Variants in KIRREL3 observed in about 807,000 individuals in gnomAD.
KIRREL3 encodes the protein kin of IRRE-like protein 3.
A neutral mutation model predicts 89.7 loss-of-function variants in KIRREL3; 36 were observed. The ratio of observed to expected loss-of-function variants is 0.40; its 90% CI spans 0.31 to 0.53. The LOEUF (loss-of-function observed/expected upper bound fraction) is 0.53. Among genes scored for constraint, KIRREL3 ranks in the 20% least tolerant of loss-of-function variants. The pLI, the probability that KIRREL3 is intolerant of heterozygous loss-of-function variation, is 0.49. For missense variants in KIRREL3, 864 were observed against 1,056.6 expected (o/e 0.82, Z 2.53); for synonymous variants, 445 against 441.4 (o/e 1.01, Z -0.10).
rs369839115 is a variant in KIRREL3, at chr11:126,830,468, C to T, written c.55+169987G>A. Among the ~76,000 whole-genome samples the T allele has an allele frequency of 5.9e-5, 9 of 152,186 alleles. No individual in the cohort carries two copies. Among genetic ancestry groups the T allele is most frequent in the African/African-American group, 2.2e-4 (9 of 41,448 alleles). On this transcript the variant is annotated intron_variant, in intron 1 of 16. Transcript: ENST00000525144. The surrounding 1 kb of genome is among the most constrained non-coding windows in gnomAD (Gnocchi z 4.9). The stretch of plus-strand genomic sequence containing the variant: ...TGCACGCTACAATAAATAGCATTAA[C>T]ATTTCTAAGTGACAGGCCTCTGAAT...
intron 7 of KIRREL3, among the ~76,000 whole-genome samples, chr11:126,449,746 C>T (rs1173400284): frequency 6.6e-6 from 1 of 152,212 alleles, no homozygotes; most frequent in African/African-American, 2.4e-5. Context: ...GTGGCGTGAG[C>T]GAGTAGCCCT....
In KIRREL3 at chr11:126,477,140, G is replaced by A. The variant is rs1027872567; in HGVS notation, c.434-3674C>T. ...AAGAGGCCACAGCGCGGCCTTAGCC[G>A]GGGGTGGCTGAGCGACACTCCTGCA... On this transcript the variant is annotated intron_variant, in intron 4 of 16. Transcript: ENST00000525144. The surrounding 1 kb of genome is among the most constrained non-coding windows in gnomAD (Gnocchi z 4.8). Among the ~76,000 whole-genome samples the A allele has an allele frequency of 3.3e-5, 5 of 152,238 alleles. No individual in the cohort carries two copies. The highest frequency in any genetic ancestry group is 7.2e-5 in the African/African-American group (3 of 41,470).
chr11:126,910,178 T>C (rs1207482367), intron 1 of KIRREL3, among the ~76,000 whole-genome samples: 1 of 152,090 alleles, frequency 6.6e-6, no homozygotes, highest in Non-Finnish European at 1.5e-5. Context: ...GGTCCAGGGC[T>C]TTGAAAAGAC....
rs1416541242 is a variant in KIRREL3 at position 126,642,171 on chromosome 11, T to C, written c.56-79259A>G. Among the ~76,000 whole-genome samples the C allele has an allele frequency of 6.6e-6, 1 of 152,204 alleles. No homozygotes were observed. The highest frequency in any genetic ancestry group is 1.5e-5 in the Non-Finnish European group (1 of 68,036). ...GACCTCCAACAATCTTGTTAGTGCA[T>C]CAAGTAATAGATTTTTGACAGATGC... On this transcript the variant is annotated intron_variant, in intron 1 of 16. Coordinates refer to ENST00000525144, the MANE Select transcript of KIRREL3 (RefSeq NM_032531.4). The surrounding 1 kb of genome is among the most constrained non-coding windows in gnomAD (Gnocchi z 4.9).
Position 126,541,190 on chromosome 11 carries a change from GGGTACTGTAT to G in KIRREL3, c.134-14513_134-14504del, listed in dbSNP as rs2134492556. Among the ~76,000 whole-genome samples the G allele has an allele frequency of 6.6e-6, 1 of 152,310 alleles. No homozygotes were observed. Among genetic ancestry groups the G allele is most frequent in the African/African-American group, 2.4e-5 (1 of 41,584 alleles). Reference sequence around the variant, plus strand: ...AGCACCTCTTGCTCCCATGTCTAAGGGGTACTGTATGGACACATGAAGCTTTGTCCTTGTC... The same window carrying G: ...AGCACCTCTTGCTCCCATGTCTAAGGGGACACATGAAGCTTTGTCCTTGTC... On this transcript the variant is annotated intron_variant, in intron 2 of 16. Transcript: ENST00000525144. This position sits in a 1 kb window ranked among gnomAD's most constrained non-coding sequence, Gnocchi z 4.8.
chr11:126,455,507 G>A lies in KIRREL3; in HGVS notation c.848+842C>T, dbSNP rs1299184402. Among the ~76,000 whole-genome samples the A allele has an allele frequency of 1.3e-5, 2 of 152,174 alleles. No individual in the cohort carries two copies. The highest frequency in any genetic ancestry group is 1.5e-5 in the Non-Finnish European group (1 of 68,036). ...AGTAAAACAAAAACAGTGATGCTTTGGCCGGGTGCGGTGGCTCATGCCTGT... is the reference window on the plus strand; with the variant it reads ...AGTAAAACAAAAACAGTGATGCTTTAGCCGGGTGCGGTGGCTCATGCCTGT... On this transcript the variant is annotated intron_variant, in intron 7 of 16. Coordinates refer to ENST00000525144, the MANE Select transcript of KIRREL3 (RefSeq NM_032531.4). The surrounding 1 kb of genome is among the most constrained non-coding windows in gnomAD (Gnocchi z 6.4).
intron 5 of KIRREL3, among the ~76,000 whole-genome samples, chr11:126,467,755 C>G (rs1185394620): frequency 6.6e-6 from 1 of 152,060 alleles, no homozygotes; most frequent in Non-Finnish European, 1.5e-5. Context: ...ATGCGCAGTG[C>G]TTTTTGCCCC....
At chr11:126,479,218 T>A (rs76482588) in intron 4 of KIRREL3, among the ~76,000 whole-genome samples, 1 of 151,978 alleles carries the variant, frequency 6.6e-6, no homozygotes, top group African/African-American at 2.4e-5. Flanking sequence ...TGCCGAAGCC[T>A]CGGGGTGCAT....
rs115097222 is a variant in KIRREL3, at chr11:126,779,640, G to A, written c.56-216728C>T. On this transcript the variant is annotated intron_variant, in intron 1 of 16. Transcript: ENST00000525144. Reference sequence around the variant, plus strand: ...TATGTCCATAGTCTCAACACCTGGCGTCAATCTTAGGACACAGTAGGTGCT... The same window carrying A: ...TATGTCCATAGTCTCAACACCTGGCATCAATCTTAGGACACAGTAGGTGCT... Among the ~76,000 whole-genome samples the A allele has an allele frequency of 5.5e-3, 834 of 152,164 alleles. 8 individuals are homozygous for A. The highest frequency in any genetic ancestry group is 0.018 in the African/African-American group (761 of 41,492).
intron 4 of KIRREL3, among the ~76,000 whole-genome samples, chr11:126,493,249 C>T (rs866954322): frequency 3.3e-5 from 5 of 152,108 alleles, no homozygotes; most frequent in African/African-American, 9.7e-5. Context: ...GGGCTGGGCG[C>T]GGTGGCTCAT....
Position 126,903,493 on chromosome 11 carries a change from G to T in KIRREL3, c.55+96962C>A, listed in dbSNP as rs541182435. 6.6e-6 allele frequency among the ~76,000 whole-genome samples: 1 copy of T among 152,146 alleles called. No individual in the cohort carries two copies. Among genetic ancestry groups the T allele is most frequent in the Non-Finnish European group, 1.5e-5 (1 of 68,030 alleles). On this transcript the variant is annotated intron_variant, in intron 1 of 16. Coordinates refer to ENST00000525144, the MANE Select transcript of KIRREL3 (RefSeq NM_032531.4). The surrounding 1 kb of genome is among the most constrained non-coding windows in gnomAD (Gnocchi z 4.5). ...CTCAGCAAAGCAAGGAGAGCTGAGC[G>T]TTTTTCCGACTTAGCTTTTCTTTCT...
chr11:126,664,537 G>T lies in KIRREL3; in HGVS notation c.56-101625C>A, dbSNP rs76322191. The stretch of plus-strand genomic sequence containing the variant: ...AGGCATAGATCTTCTGTTGGAACTG[G>T]GGATACTGAAAGGGATGAAGAAGTT... On this transcript the variant is annotated intron_variant, in intron 1 of 16. Coordinates refer to ENST00000525144, the MANE Select transcript of KIRREL3 (RefSeq NM_032531.4). This position sits in a 1 kb window ranked among gnomAD's most constrained non-coding sequence, Gnocchi z 5.4. Among the ~76,000 whole-genome samples, 791 of 152,284 alleles carry T rather than the reference G, an allele frequency of 5.2e-3. 7 individuals carry two copies. Among genetic ancestry groups the T allele is most frequent in the African/African-American group, 0.018 (755 of 41,556 alleles).
rs1229906722 is a variant in KIRREL3, at chr11:126,557,724, T to A, written c.133+5111A>T. ...TTTAGAGCTGTCGAAGAAATGAGAT[T>A]CTCAACCTCCCAGGGCTCTGACTCC... On this transcript the variant is annotated intron_variant, in intron 2 of 16. Coordinates refer to ENST00000525144, the MANE Select transcript of KIRREL3 (RefSeq NM_032531.4). The surrounding 1 kb of genome is among the most constrained non-coding windows in gnomAD (Gnocchi z 5.6). Among the ~76,000 whole-genome samples the A allele has an allele frequency of 2.0e-5, 3 of 152,184 alleles. No individual in the cohort carries two copies. Among genetic ancestry groups the A allele is most frequent in the Admixed American group, 6.5e-5 (1 of 15,280 alleles).
intron 4 of KIRREL3, among the ~76,000 whole-genome samples, chr11:126,517,122 G>A (rs1958434328): frequency 7.9e-6 from 1 of 126,612 alleles, no homozygotes; most frequent in Admixed American, 8.4e-5. Flanking sequence ...TAGAGATTGA[G>A]AGAGAGAGAG....
chr11:126,542,298 T>C (rs750199209), intron 2 of KIRREL3, among the ~76,000 whole-genome samples: 11 of 144,238 alleles, frequency 7.6e-5, no homozygotes, highest in South Asian at 2.1e-4. Context: ...ACACAGACCA[T>C]CTTGGGGCAA....
rs79836355 is a variant in KIRREL3, at chr11:126,762,628, C to A, written c.56-199716G>T. On this transcript the variant is annotated intron_variant, in intron 1 of 16. Coordinates refer to ENST00000525144, the MANE Select transcript of KIRREL3 (RefSeq NM_032531.4). Reference sequence around the variant, plus strand: ...TCACAGCAGTGGGAGCTGGAGCAACCCTTGTGGACTCAGAAATGGAAATCA... The same window carrying A: ...TCACAGCAGTGGGAGCTGGAGCAACACTTGTGGACTCAGAAATGGAAATCA... Among the ~76,000 whole-genome samples the A allele has an allele frequency of 2.9e-3, 435 of 152,290 alleles. 2 individuals carry two copies. Among genetic ancestry groups the A allele is most frequent in the African/African-American group, 9.9e-3 (412 of 41,564 alleles).
chr11:126,921,971 C>G (rs949407038), intron 1 of KIRREL3, among the ~76,000 whole-genome samples: 1 of 110,190 alleles, frequency 9.1e-6, no homozygotes, highest in African/African-American at 3.5e-5. Context: ...CTATATCTAT[C>G]TATCTATCTA....
chr11:126,543,098 A>G (rs1173828298), intron 2 of KIRREL3, among the ~76,000 whole-genome samples: 2 of 152,084 alleles, frequency 1.3e-5, no homozygotes, highest in Non-Finnish European at 2.9e-5. Context: ...ATTCTGCCCT[A>G]TTCTACTCCA....
At chr11:126,855,484 T>G (rs1443687219) in intron 1 of KIRREL3, among the ~76,000 whole-genome samples, 1 of 152,222 alleles carries the variant, frequency 6.6e-6, no homozygotes, top group Non-Finnish European at 1.5e-5. Flanking sequence ...CCTCTTTTCT[T>G]TCATAAATTA....
Sources: gnomAD v4.1 joint callset for allele counts (sites outside exome capture counted in the v4.1 genomes callset) on GRCh38, gnomAD v4.1.1 for gene constraint, Gnocchi (gnomAD v3.1) non-coding constraint, MANE v1.5 for transcripts, NCBI Gene and HGNC (gene_info 2026-07-23, HGNC 2026-07-21) for gene names.